The following KLHL29 variants were observed in gnomAD, a reference collection of about 807,000 sequenced individuals.
KLHL29 encodes kelch like family member 29, also known as kelch-like protein 29.
KLHL29 carries 21 observed loss-of-function variants against 80.4 expected under a neutral mutation model. The observed-to-expected ratio is 0.26, with a 90% confidence interval of 0.19 to 0.38. The LOEUF is 0.38. Ranked by LOEUF, KLHL29 falls within the 10% of genes least tolerant of loss-of-function variation. KLHL29 has a pLI of 1.00. For missense variants in KLHL29, 867 were observed against 1,223.9 expected (o/e 0.71, Z 4.35); for synonymous variants, 511 against 526.8 (o/e 0.97, Z 0.41).
chr2:23,652,514 C>T (rs1314797403), intron 5 of KLHL29, among the ~76,000 whole-genome samples: 1 of 152,116 alleles, frequency 6.6e-6, no homozygotes, highest in Non-Finnish European at 1.5e-5. Context: ...CCAAAGATCT[C>T]CAGTGGCCTC....
intron 3 of KLHL29, among the ~76,000 whole-genome samples, chr2:23,615,267 G>A (rs546453503): frequency 3.9e-5 from 6 of 152,158 alleles, no homozygotes; most frequent in East Asian, 1.9e-4. Flanking sequence ...CTGCTCTTGT[G>A]TAAATGCAAC....
chr2:23,421,752 ATG>A (rs1323045808), intron 1 of KLHL29, among the ~76,000 whole-genome samples: 11 of 141,270 alleles, frequency 7.8e-5, no homozygotes, highest in South Asian at 4.5e-4. Context: ...GTGTGTGTTC[ATG>A]TGTGTGTGTG....
At chr2:23,621,402 G>A (rs1367662766) in intron 3 of KLHL29, among the ~76,000 whole-genome samples, 3 of 152,202 alleles carry the variant, frequency 2.0e-5, no homozygotes, top group Non-Finnish European at 2.9e-5. Flanking sequence ...GAGCACGTTT[G>A]GCAATGGCCT....
chr2:23,672,094 G>C (rs1670780836), intron 5 of KLHL29: 1 of 152,284 alleles, frequency 6.6e-6, no homozygotes, highest in Non-Finnish European at 1.5e-5. Flanking sequence ...AGCTTTGCAA[G>C]TTCATCACGG....
At chr2:23,418,443 C>T (rs573444207) in intron 1 of KLHL29, among the ~76,000 whole-genome samples, 2 of 152,290 alleles carry the variant, frequency 1.3e-5, no homozygotes, top group Admixed American at 6.5e-5. Flanking sequence ...ATAGGCATCT[C>T]GGAGGGACCT....
chr2:23,640,015 T>G (rs1306192153), intron 4 of KLHL29, among the ~76,000 whole-genome samples: 1 of 152,192 alleles, frequency 6.6e-6, no homozygotes, highest in Non-Finnish European at 1.5e-5. Context: ...ACATGCTTCC[T>G]TCAGCACCTC....
intron 2 of KLHL29, among the ~76,000 whole-genome samples, chr2:23,544,812 G>A (rs149681970): frequency 3.3e-5 from 5 of 152,276 alleles, no homozygotes; most frequent in African/African-American, 1.2e-4. Flanking sequence ...TGATGGAGCC[G>A]CTGCAAGGAG....
At chr2:23,691,936 C>T in intron 7 of KLHL29, 60 bp downstream of exon 7, 1 of 1,488,060 alleles carries the variant, frequency 6.7e-7, no homozygotes, top group Non-Finnish European at 9.1e-7. Flanking sequence ...CGGAGAACTC[C>T]ATAAACAGCA....
intron 1 of KLHL29, among the ~76,000 whole-genome samples, chr2:23,435,433 G>A (rs370486427): frequency 2.0e-5 from 3 of 152,182 alleles, no homozygotes; most frequent in East Asian, 3.9e-4. Flanking sequence ...AGAGGCTAGA[G>A]ACCACTGGGA....
At chr2:23,683,596 C>A (rs541521271) in intron 5 of KLHL29, among the ~76,000 whole-genome samples, 1 of 152,310 alleles carries the variant, frequency 6.6e-6, no homozygotes, top group South Asian at 2.1e-4. Flanking sequence ...CTGTCTGTGC[C>A]AGCCCCAGGT....
At chr2:23,642,223 C>T (rs918421170) in intron 4 of KLHL29, 115 bp from the exon 5 acceptor site, 90 of 967,140 alleles carry the variant, frequency 9.3e-5, no homozygotes, top group African/African-American at 8.9e-4. Context: ...AGTTCCTGGA[C>T]GCAGGTGTCT....
At chr2:23,670,924 C>T (rs1156550179) in intron 5 of KLHL29, among the ~76,000 whole-genome samples, 5 of 3,102 alleles carry the variant, frequency 1.6e-3, no homozygotes, top group Non-Finnish European at 1.5e-3. Context: ...CGCGCTCTCT[C>T]TCTCTCTCTC....
intron 5 of KLHL29, among the ~76,000 whole-genome samples, chr2:23,658,537 T>G (rs75539021): frequency 1.3e-5 from 2 of 152,220 alleles, no homozygotes; most frequent in East Asian, 3.9e-4. Context: ...CCCAGAGGCA[T>G]GAGGCTCCGT....
At chr2:23,702,341 C>T (rs1051232581) in intron 11 of KLHL29, among the ~76,000 whole-genome samples, 1 of 152,200 alleles carries the variant, frequency 6.6e-6, no homozygotes, top group African/African-American at 2.4e-5. Flanking sequence ...TGGGCAAAAG[C>T]ATCTAACACA....
intron 3 of KLHL29, among the ~76,000 whole-genome samples, chr2:23,638,220 A>T (rs2149155431): frequency 6.6e-6 from 1 of 152,106 alleles, no homozygotes; most frequent in Non-Finnish European, 1.5e-5. Flanking sequence ...TGACACAGGG[A>T]TGTTTACATA....
intron 2 of KLHL29, among the ~76,000 whole-genome samples, chr2:23,494,442 C>T (rs1381155973): frequency 4.6e-5 from 7 of 152,174 alleles, no homozygotes; most frequent in Admixed American, 4.6e-4. Flanking sequence ...CTTAAGGAAA[C>T]GCTTCCTGGG....
intron 11 of KLHL29, among the ~76,000 whole-genome samples, chr2:23,701,979 A>ATTTTT (rs70941587): frequency 6.9e-6 from 1 of 144,578 alleles, no homozygotes; most frequent in East Asian, 2.0e-4. Context: ...TGCCCAGCTA[A>ATTTTT]TTTTTTTTTT....
In KLHL29 at chr2:23,428,903, A is replaced by G. The variant is rs115358918; in HGVS notation, c.-154+43123A>G. ...TCCCTTTAAGTCTCCTTTTCGGACA[A>G]TATATAGAAAGTTCTACACCACATC... is the stretch of plus-strand genomic sequence containing the variant. On this transcript the variant is annotated intron_variant, in intron 1 of 13. Transcript: ENST00000486442. Among the ~76,000 whole-genome samples, 543 of 152,226 alleles carry G rather than the reference A, an allele frequency of 3.6e-3. 4 individuals are homozygous for G. The highest frequency in any genetic ancestry group is 0.013 in the African/African-American group (524 of 41,522).
intron 1 of KLHL29, among the ~76,000 whole-genome samples, chr2:23,398,085 G>A (rs1028062224): frequency 1.3e-5 from 2 of 152,212 alleles, no homozygotes; most frequent in African/African-American, 4.8e-5. Flanking sequence ...ATTATCATCT[G>A]ATCCAGCAAT....
Sources: gnomAD v4.1 joint callset for allele counts (sites outside exome capture counted in the v4.1 genomes callset) on GRCh38, gnomAD v4.1.1 for gene constraint, MANE v1.5 for transcripts, NCBI Gene and HGNC (gene_info 2026-07-23, HGNC 2026-07-21) for gene names.